TXLNG: variants seen among roughly 807,000 people sequenced by gnomAD.
The protein encoded by TXLNG is taxilin gamma.
In TXLNG, 5 loss-of-function variants were observed where a neutral mutation model predicts 38.8. The observed-to-expected ratio is 0.13, with a 90% CI of 0.07 to 0.27. The LOEUF is 0.27. Among genes scored for constraint, TXLNG ranks in the 10% least tolerant of loss-of-function variants. The probability of loss-of-function intolerance (pLI) is 1.00; values close to 1 mark genes in which losing one functional copy is unlikely to be tolerated. For synonymous variants in TXLNG, 182 were observed against 158.2 expected (o/e 1.15, Z -1.13); for missense variants, 393 against 398.2 (o/e 0.99, Z 0.11).
chrX:16,810,537 T>C lies in TXLNG; in HGVS notation c.103-8037T>C, dbSNP rs145771147. Reference sequence around the variant, plus strand: ...TCAAGTCCTGTTGGAACTGGGCTTATTAATAAACAAAAAGATTTTGTAGAG... The same window carrying C: ...TCAAGTCCTGTTGGAACTGGGCTTACTAATAAACAAAAAGATTTTGTAGAG... On this transcript the variant is annotated intron_variant, in intron 1 of 9. Transcript: ENST00000380122. Among the ~76,000 whole-genome samples, 886 of 112,077 alleles carry C rather than the reference T, an allele frequency of 7.9e-3. 3 individuals are homozygous for C. Among genetic ancestry groups the C allele is most frequent in the Middle Eastern group, 0.028 (6 of 217 alleles).
intron 1 of TXLNG, among the ~76,000 whole-genome samples, chrX:16,798,245 C>T (rs7877647): frequency 9.0e-6 from 1 of 111,165 alleles, no homozygotes; most frequent in Non-Finnish European, 1.9e-5. Flanking sequence ...TACATTTGTT[C>T]ATTAATCACC....
In TXLNG at chrX:16,834,436, C is replaced by CT; in HGVS notation, c.1059+80dup. 3.3e-6 allele frequency: 3 copies of CT among 922,172 alleles called. No homozygotes were observed. In the South Asian group the frequency reaches 8.2e-5, roughly 25 times the overall value. 76.0% of individuals were successfully genotyped at this position (922,172 alleles called of 1,213,427 possible). A position where few individuals can be genotyped will look rare whatever the true frequency, so the allele number is the denominator to read the frequency against. On this transcript the variant is annotated intron_variant, in intron 7 of 9. Coordinates refer to ENST00000380122, the MANE Select transcript of TXLNG (RefSeq NM_018360.3). The stretch of plus-strand genomic sequence containing the variant: ...TGATTCTGCATATCTTCAATCTCCT[C>CT]TAAGATGGTTTTGCTTTTTGCTTTT...
At chrX:16,830,182 A>ATT (rs34247026) in intron 5 of TXLNG, among the ~76,000 whole-genome samples, 4 of 101,843 alleles carry the variant, frequency 3.9e-5, no homozygotes, top group Non-Finnish European at 4.0e-5. Flanking sequence ...AATGTTTCAG[A>ATT]TTTTTTTTTT....
chrX:16,812,721 A>C (rs1284059333), intron 1 of TXLNG, among the ~76,000 whole-genome samples: 1 of 20,493 alleles, frequency 4.9e-5, no homozygotes, highest in Non-Finnish European at 8.6e-5. Context: ...TTTTTTTTTG[A>C]GGTGGAGTTT....
chrX:16,842,040 G>C lies in TXLNG; in HGVS notation c.*274G>C, dbSNP rs777261601. The C allele has an allele frequency of 1.7e-3, 482 of 282,998 alleles. 1 individual carries two copies. Among genetic ancestry groups the C allele is most frequent in the Non-Finnish European group, 2.1e-3 (336 of 162,788 alleles). 23.3% of individuals were successfully genotyped at this position (282,998 alleles called of 1,213,427 possible). On this transcript the variant is annotated 3_prime_UTR_variant, in exon 10 of 10. Transcript: ENST00000380122. ...CTTGTCCTTTCTCTCCCTGCTCCTTGCACATTATCATCCTAATGAAAATTT... is the reference window on the plus strand; with the variant it reads ...CTTGTCCTTTCTCTCCCTGCTCCTTCCACATTATCATCCTAATGAAAATTT...
chrX:16,807,381 T>G (rs1928371056), intron 1 of TXLNG, among the ~76,000 whole-genome samples: 1 of 112,192 alleles, frequency 8.9e-6, no homozygotes, highest in African/African-American at 3.2e-5. Context: ...AAAGCTGATT[T>G]ATAAAGTGAG....
chrX:16,788,037 T>C (rs754429585), intron 1 of TXLNG, among the ~76,000 whole-genome samples: 2 of 111,928 alleles, frequency 1.8e-5, no homozygotes, highest in Non-Finnish European at 3.8e-5. Context: ...AAAGATCCAG[T>C]GCTTGCAGGA....
In TXLNG at chrX:16,786,581, C is replaced by G. The variant is rs1250563968; in HGVS notation, c.94C>G (p.Arg32Gly). The G allele has an allele frequency of 1.9e-6, 2 of 1,066,126 alleles. No homozygotes were observed. Among genetic ancestry groups the G allele is most frequent in the South Asian group, 4.8e-5 (2 of 41,545 alleles). The allele number at this position is 1,066,126 out of a possible 1,213,427, so 87.9% of individuals were successfully genotyped here. A position where few individuals can be genotyped will look rare whatever the true frequency, so the allele number is the denominator to read the frequency against. The change falls in exon 1 of 10, where the codon CGG becomes GGG. Residue 32 changes from arginine to glycine, a missense_variant. By Grantham distance (125) the Arg-to-Gly change is moderately radical. Transcript: ENST00000380122. ...ACGGGGCGGACGGCGACGCAGCCCG[C>G]GGCAGAAGGTCAGTCAGGGGGACGC... ...AGRGGRRRSPRQKFEIGTMEE... is the reference protein window; with the variant it reads ...AGRGGRRRSPGQKFEIGTMEE...
rs1457097746 is a variant in TXLNG, at chrX:16,844,236, AC to A, written c.*2471del. ...AGTTATGTATGCAACTGCCTTTATT[AC>A]ACCTGGTTATCACAATTCAATTCTC... On this transcript the variant is annotated 3_prime_UTR_variant, in exon 10 of 10. Transcript: ENST00000380122. 9.0e-6 allele frequency: 1 copy of A among 111,703 alleles called. No individual in the cohort carries two copies. Among genetic ancestry groups the A allele is most frequent in the Non-Finnish European group, 1.9e-5 (1 of 53,208 alleles). 9.2% of individuals were successfully genotyped at this position (111,703 alleles called of 1,213,427 possible).
In TXLNG at chrX:16,839,893, G is replaced by A; in HGVS notation, c.1225G>A (p.Ala409Thr). 1 of 1,202,269 alleles carries A rather than the reference G, an allele frequency of 8.3e-7. No homozygotes were observed. The highest frequency in any genetic ancestry group is 1.1e-6 in the Non-Finnish European group (1 of 890,042). Residue 409 changes from alanine (A) to threonine (T), a missense_variant, in exon 9 of 10, where the codon GCA (alanine) becomes ACA (threonine). Coordinates refer to ENST00000380122, the MANE Select transcript of TXLNG (RefSeq NM_018360.3). ...WRTKWENNNKALLQMAEEKTV... is the reference protein window; with the variant it reads ...WRTKWENNNKTLLQMAEEKTV... ...TACCAAATGGGAAAACAATAATAAA[G>A]CACTTCTGCAAATGGCTGAAGAGGT... is the stretch of plus-strand genomic sequence containing the variant.
At chrX:16,822,894 C>T (rs764801744) in intron 3 of TXLNG, among the ~76,000 whole-genome samples, 1 of 111,671 alleles carries the variant, frequency 9.0e-6, no homozygotes, top group Non-Finnish European at 1.9e-5. Flanking sequence ...GCCCGGGCAA[C>T]AGTGATGATG....
At chrX:16,801,988 C>G (rs1436854902) in intron 1 of TXLNG, among the ~76,000 whole-genome samples, 1 of 77,887 alleles carries the variant, frequency 1.3e-5, no homozygotes, top group African/African-American at 5.3e-5. Flanking sequence ...GAGTCTTGCT[C>G]TGTCACCCAG....
intron 3 of TXLNG, among the ~76,000 whole-genome samples, chrX:16,826,189 A>G (rs1422840268): frequency 8.9e-6 from 1 of 112,088 alleles, no homozygotes; most frequent in Admixed American, 9.5e-5. Context: ...AATTACAGCT[A>G]GTATGTGCCG....
chrX:16,790,122 G>A (rs952366462), intron 1 of TXLNG, among the ~76,000 whole-genome samples: 1 of 110,700 alleles, frequency 9.0e-6, no homozygotes. Flanking sequence ...TTTACATCTT[G>A]CATTAGTGTG....
At chrX:16,821,361 C>T (rs765199016) in intron 3 of TXLNG, among the ~76,000 whole-genome samples, 133 of 106,809 alleles carry the variant, frequency 1.2e-3, no homozygotes, top group Non-Finnish European at 2.4e-3. Context: ...GGATGCTCTC[C>T]ATCTCCTGAA....
chrX:16,800,097 G>A (rs927619688), intron 1 of TXLNG, among the ~76,000 whole-genome samples: 2 of 108,418 alleles, frequency 1.8e-5, no homozygotes, highest in Admixed American at 9.9e-5. Context: ...CTACCACCAC[G>A]CCCGGCTAAT....
Position 16,818,860 on chromosome X carries a change from A to G in TXLNG, c.389A>G (p.Asn130Ser). Reference protein sequence around the residue: ...DGQQDSECNRNKEKTLGKEVL... With the variant: ...DGQQDSECNRSKEKTLGKEVL... ...CAGCAAGATTCAGAGTGCAACAGGA[A>G]CAAAGAAAAAACTTTAGGTAATAAT... is the stretch of plus-strand genomic sequence containing the variant. The change falls in exon 2 of 10, where the codon AAC becomes AGC. Residue 130 changes from asparagine to serine, a missense_variant. Transcript: ENST00000380122. 4 of 1,201,903 alleles carry G rather than the reference A, an allele frequency of 3.3e-6. No homozygotes were observed. The highest frequency in any genetic ancestry group is 1.8e-5 in the South Asian group (1 of 55,284).
intron 1 of TXLNG, among the ~76,000 whole-genome samples, chrX:16,792,894 C>T (rs922755586): frequency 1.5e-4 from 16 of 110,116 alleles, no homozygotes; most frequent in Non-Finnish European, 2.8e-4. Flanking sequence ...GTCAGGAGTT[C>T]AAGACCAGCC....
At chrX:16,811,257 G>C in intron 1 of TXLNG, among the ~76,000 whole-genome samples, 1 of 112,166 alleles carries the variant, frequency 8.9e-6, no homozygotes, top group Non-Finnish European at 1.9e-5. Flanking sequence ...AGGAAAATAG[G>C]TGATGTGGTG....
Sources: gnomAD v4.1 joint callset for allele counts (sites outside exome capture counted in the v4.1 genomes callset) on GRCh38, gnomAD v4.1.1 for gene constraint, MANE v1.5 for transcripts, NCBI Gene and HGNC (gene_info 2026-07-23, HGNC 2026-07-21) for gene names.